FNDC3B: variants seen among roughly 807,000 people sequenced by gnomAD.
FNDC3B encodes fibronectin type III domain containing 3B.
Under a neutral mutation model 151.5 loss-of-function variants are expected in FNDC3B, and 12 were observed. The observed-to-expected ratio is 0.08, with a 90% CI of 0.05 to 0.13. The LOEUF is 0.13. Ranked by LOEUF, FNDC3B falls within the 10% of genes least tolerant of loss-of-function variation. The pLI, the probability that FNDC3B is intolerant of heterozygous loss-of-function variation, is 1.00. For missense variants in FNDC3B, 1,214 were observed against 1,505.3 expected, an observed-to-expected ratio of 0.81 and a Z score of 3.20; for synonymous variants, 528 against 549.0, an observed-to-expected ratio of 0.96 and a Z score of 0.54.
intron 22 of FNDC3B, among the ~76,000 whole-genome samples, chr3:172,357,602 T>C (rs1419562157): frequency 6.6e-6 from 1 of 152,226 alleles, no homozygotes; most frequent in Non-Finnish European, 1.5e-5. Context: ...TACTGTGTTT[T>C]TCACCCTAAA....
intron 2 of FNDC3B, among the ~76,000 whole-genome samples, chr3:172,127,941 AGCC>A (rs1720888064): frequency 6.6e-6 from 1 of 152,228 alleles, no homozygotes; most frequent in South Asian, 2.1e-4. Flanking sequence ...TATAGGCGTG[AGCC>A]ACCACACCCG....
intron 1 of FNDC3B, among the ~76,000 whole-genome samples, chr3:172,058,828 G>T (rs1054632563): frequency 6.6e-6 from 1 of 152,126 alleles, no homozygotes; most frequent in Non-Finnish European, 1.5e-5. Flanking sequence ...TCATATATTT[G>T]TTTTGTATTG....
At chr3:172,169,077 A>G (rs759561076) in intron 3 of FNDC3B, among the ~76,000 whole-genome samples, 1 of 129,804 alleles carries the variant, frequency 7.7e-6, no homozygotes, top group Non-Finnish European at 1.7e-5. Context: ...ACCTTGACAT[A>G]AAAGTTTTGT....
intron 3 of FNDC3B, among the ~76,000 whole-genome samples, chr3:172,213,573 ATTTGT>A (rs1367819283): frequency 1.3e-5 from 2 of 152,188 alleles, no homozygotes; most frequent in Non-Finnish European, 2.9e-5. Flanking sequence ...CATGCATATC[ATTTGT>A]TTGTGCTCAT....
At chr3:172,255,052 G>A (rs1052303779) in intron 6 of FNDC3B, among the ~76,000 whole-genome samples, 1 of 151,984 alleles carries the variant, frequency 6.6e-6, no homozygotes, top group Non-Finnish European at 1.5e-5. Context: ...GTTATTATAG[G>A]ATCACCTCTC....
intron 6 of FNDC3B, among the ~76,000 whole-genome samples, chr3:172,277,307 A>G (rs1729483481): frequency 3.3e-5 from 5 of 152,186 alleles, no homozygotes; most frequent in Admixed American, 2.6e-4. Context: ...TATTTCTTAC[A>G]GTTCTGAAGG....
At chr3:172,396,906 G>A (rs528983972) in intron 25 of FNDC3B, among the ~76,000 whole-genome samples, 1 of 152,304 alleles carries the variant, frequency 6.6e-6, no homozygotes, top group Non-Finnish European at 1.5e-5. Flanking sequence ...AATGTCAGCT[G>A]CATTTCTAGT....
intron 6 of FNDC3B, among the ~76,000 whole-genome samples, chr3:172,258,489 C>G (rs370387630): frequency 3.3e-5 from 5 of 152,152 alleles, no homozygotes; most frequent in African/African-American, 9.7e-5. Context: ...TTTACTTCCC[C>G]CAAAGCAGCA....
At chr3:172,082,330 G>A (rs1423138508) in intron 1 of FNDC3B, among the ~76,000 whole-genome samples, 1 of 152,182 alleles carries the variant, frequency 6.6e-6, no homozygotes, top group Non-Finnish European at 1.5e-5. Flanking sequence ...TGGACAAATA[G>A]TATTCCTTGT....
intron 20 of FNDC3B, 121 bp downstream of exon 20, chr3:172,346,561 T>C (rs998313776): frequency 5.0e-6 from 3 of 601,696 alleles, no homozygotes; most frequent in Admixed American, 3.2e-5. Context: ...TTTTTTTTTT[T>C]GCTCTGTGTA....
At chr3:172,363,977 A>T (rs1250087520) in intron 23 of FNDC3B, among the ~76,000 whole-genome samples, 2 of 152,240 alleles carry the variant, frequency 1.3e-5, no homozygotes, top group Admixed American at 1.3e-4. Context: ...AAGAGGTGAC[A>T]TTTGAGCTTG....
At chr3:172,294,740 G>A (rs1400670803) in intron 7 of FNDC3B, among the ~76,000 whole-genome samples, 2 of 152,210 alleles carry the variant, frequency 1.3e-5, no homozygotes, top group African/African-American at 4.8e-5. Context: ...ATGCCTCAGA[G>A]TAGTATTTTA....
intron 1 of FNDC3B, among the ~76,000 whole-genome samples, chr3:172,075,846 C>T (rs1407966268): frequency 4.6e-5 from 7 of 151,768 alleles, no homozygotes; most frequent in African/African-American, 1.2e-4. Flanking sequence ...CAATTCTATT[C>T]GATTTTATTT....
intron 11 of FNDC3B, among the ~76,000 whole-genome samples, chr3:172,312,402 C>A (rs1389281932): frequency 6.6e-6 from 1 of 152,130 alleles, no homozygotes; most frequent in East Asian, 1.9e-4. Flanking sequence ...CCTCTCCAGC[C>A]CTTAGAGGTT....
chr3:172,234,272 T>C (rs112121583), intron 4 of FNDC3B, among the ~76,000 whole-genome samples: 2 of 152,208 alleles, frequency 1.3e-5, no homozygotes, highest in African/African-American at 4.8e-5. Flanking sequence ...TACTTGATCA[T>C]TGTCTGTCTT....
intron 16 of FNDC3B, among the ~76,000 whole-genome samples, chr3:172,339,663 G>T (rs1733188202): frequency 2.0e-5 from 3 of 152,218 alleles, no homozygotes; most frequent in African/African-American, 7.2e-5. Context: ...TATGCCAGTG[G>T]CTCGTTGTGA....
At position 172,247,754 on chromosome 3, in the gene FNDC3B, C is replaced by G. The variant is rs1727854642; in HGVS notation, c.486C>G (p.Pro162=). Residue 162 remains proline, a synonymous_variant, in exon 5 of 26, where the codon CCC becomes CCG. Transcript: ENST00000415807. ...AGTTTTTTCCCCAGCATCATCTTCC[C>G]CACACAATATATGGTGAGCAAGGTG... ...PPQFFPQHHL[P]HTIYGEQEII... 1.2e-6 allele frequency: 2 copies of G among 1,614,128 alleles called. No homozygotes were observed. The highest frequency in any genetic ancestry group is 3.3e-5 in the Admixed American group (2 of 60,018).
chr3:172,338,792 A>T (rs1425510463), intron 16 of FNDC3B, among the ~76,000 whole-genome samples: 1 of 152,194 alleles, frequency 6.6e-6, no homozygotes, highest in Non-Finnish European at 1.5e-5. Flanking sequence ...GACAGAGTGC[A>T]GTGGCGTGAT....
At chr3:172,328,602 A>G (rs2108283306) in intron 11 of FNDC3B, among the ~76,000 whole-genome samples, 1 of 152,316 alleles carries the variant, frequency 6.6e-6, no homozygotes, top group Non-Finnish European at 1.5e-5. Flanking sequence ...GTTTGGGCCA[A>G]TCTAAGTAAG....
Sources: gnomAD v4.1 joint callset for allele counts (sites outside exome capture counted in the v4.1 genomes callset) on GRCh38, gnomAD v4.1.1 for gene constraint, MANE v1.5 for transcripts, NCBI Gene and HGNC (gene_info 2026-07-23, HGNC 2026-07-21) for gene names.